The following TBX15 variants were observed in gnomAD, a reference collection of about 807,000 sequenced individuals.
TBX15 encodes the protein T-box transcription factor TBX15.
In TBX15, 18 loss-of-function variants were observed where a neutral mutation model predicts 53.9. That is an observed-to-expected ratio of 0.33 (90% CI 0.23 to 0.49). TBX15 has a LOEUF of 0.49. Among genes scored for constraint, TBX15 ranks in the 20% least tolerant of loss-of-function variants. TBX15 has a pLI of 0.98. For missense variants in TBX15, 692 were observed against 749.5 expected, an observed-to-expected ratio of 0.92 and a Z score of 0.90; for synonymous variants, 295 against 278.0, an observed-to-expected ratio of 1.06 and a Z score of -0.61.
chr1:118,981,037 T>C (rs1209839688), intron 1 of TBX15, among the ~76,000 whole-genome samples: 2 of 152,172 alleles, frequency 1.3e-5, no homozygotes, highest in Non-Finnish European at 2.9e-5. Flanking sequence ...TTCACCATCT[T>C]GGCCAGGCTG....
intron 1 of TBX15, among the ~76,000 whole-genome samples, chr1:118,941,282 C>T (rs1164452641): frequency 6.6e-6 from 1 of 152,170 alleles, no homozygotes; most frequent in Admixed American, 6.6e-5. Flanking sequence ...AATGTTCCCA[C>T]TGAGCACCAA....
intron 2 of TBX15, 110 bp downstream of exon 2, chr1:118,931,509 C>A (rs901206326): frequency 8.7e-7 from 1 of 1,154,836 alleles, no homozygotes; most frequent in Non-Finnish European, 1.3e-6. Context: ...TGAGTGCAAG[C>A]TGCTTTGGTT....
At chr1:118,933,873 G>T (rs2101619101) in intron 1 of TBX15, among the ~76,000 whole-genome samples, 1 of 152,230 alleles carries the variant, frequency 6.6e-6, no homozygotes, top group East Asian at 1.9e-4. Context: ...ACCATAAAGT[G>T]CCACAATTAC....
chr1:118,898,000 G>A (rs1300871095), intron 7 of TBX15, among the ~76,000 whole-genome samples: 2 of 152,200 alleles, frequency 1.3e-5, no homozygotes, highest in Non-Finnish European at 2.9e-5. Context: ...TGAGGATGAT[G>A]AAGACAATGA....
chr1:118,938,377 C>A (rs1656033839), intron 1 of TBX15, among the ~76,000 whole-genome samples: 1 of 152,180 alleles, frequency 6.6e-6, no homozygotes, highest in Non-Finnish European at 1.5e-5. Context: ...GCACTCTCCA[C>A]TTAACAAGCA....
chr1:118,910,418 T>TTGC (rs1654992752), intron 6 of TBX15, among the ~76,000 whole-genome samples: 1 of 151,970 alleles, frequency 6.6e-6, no homozygotes, highest in Non-Finnish European at 1.5e-5. Context: ...TTTGTTGTTG[T>TTGC]TGTTGTTGTT....
At chr1:118,971,047 C>T (rs1056828615) in intron 1 of TBX15, among the ~76,000 whole-genome samples, 3 of 152,118 alleles carry the variant, frequency 2.0e-5, no homozygotes, top group Non-Finnish European at 4.4e-5. Context: ...GCTTTTTATT[C>T]TATTTCTTTT....
intron 6 of TBX15, among the ~76,000 whole-genome samples, chr1:118,908,819 C>G (rs1257655439): frequency 6.6e-6 from 1 of 151,628 alleles, no homozygotes; most frequent in East Asian, 1.9e-4. Flanking sequence ...CACACACACA[C>G]ACATTCACAC....
chr1:118,973,463 C>T (rs949254236), intron 1 of TBX15, among the ~76,000 whole-genome samples: 2 of 151,968 alleles, frequency 1.3e-5, no homozygotes, highest in Non-Finnish European at 2.9e-5. Flanking sequence ...AAAAAAAGCC[C>T]TCAGAATTCA....
intron 6 of TBX15, among the ~76,000 whole-genome samples, chr1:118,909,888 T>A (rs1304013291): frequency 5.3e-5 from 8 of 152,144 alleles, no homozygotes; most frequent in Non-Finnish European, 1.0e-4. Flanking sequence ...GCCAGATGTC[T>A]CTTTACATCA....
At chr1:118,969,326 G>A (rs544031163) in intron 1 of TBX15, among the ~76,000 whole-genome samples, 3 of 152,332 alleles carry the variant, frequency 2.0e-5, no homozygotes, top group Admixed American at 2.0e-4. Flanking sequence ...TTATTCTCTG[G>A]AGTTGTTGAT....
intron 1 of TBX15, among the ~76,000 whole-genome samples, chr1:118,970,952 C>T (rs1434466990): frequency 6.6e-6 from 1 of 152,222 alleles, no homozygotes; most frequent in Admixed American, 6.5e-5. Context: ...CCCAATTCTG[C>T]TCTCTCAGGA....
At chr1:118,979,937 G>A (rs368400137) in intron 1 of TBX15, among the ~76,000 whole-genome samples, 1 of 152,186 alleles carries the variant, frequency 6.6e-6, no homozygotes, top group East Asian at 1.9e-4. Context: ...CGCCTGACCC[G>A]TTCGCCGTTC....
chr1:118,950,581 C>A (rs973852445), intron 1 of TBX15, among the ~76,000 whole-genome samples: 1 of 152,226 alleles, frequency 6.6e-6, no homozygotes, highest in Non-Finnish European at 1.5e-5. Flanking sequence ...CAGGGCCAGG[C>A]TGCGGCCTTC....
In TBX15 at chr1:118,885,542, T is replaced by C. The variant is rs531265974; in HGVS notation, c.1025-26A>G. 10 of 1,554,930 alleles carry C rather than the reference T, an allele frequency of 6.4e-6. No homozygotes were observed. In the East Asian group the frequency reaches 2.2e-4, roughly 34 times the overall value. On this transcript the variant is annotated intron_variant, in intron 7 of 7. Transcript: ENST00000369429. The stretch of plus-strand genomic sequence containing the variant: ...CTGAAAAATAAAACGTGAATACTAT[T>C]GAGACAGAGTCTTTTAAGATGAGTC...
At chr1:118,968,894 C>T (rs928192784) in intron 1 of TBX15, among the ~76,000 whole-genome samples, 4 of 152,136 alleles carry the variant, frequency 2.6e-5, no homozygotes. Flanking sequence ...CTATCTCCAT[C>T]GTGAATACCA....
chr1:118,968,607 T>C (rs1047386583), intron 1 of TBX15, among the ~76,000 whole-genome samples: 1 of 152,216 alleles, frequency 6.6e-6, no homozygotes, highest in Non-Finnish European at 1.5e-5. Flanking sequence ...AATATATGCA[T>C]ATTGCATTTG....
chr1:118,947,665 A>G (rs1656389785), intron 1 of TBX15, among the ~76,000 whole-genome samples: 1 of 152,224 alleles, frequency 6.6e-6, no homozygotes, highest in South Asian at 2.1e-4. Flanking sequence ...TCAGCATTAC[A>G]TTTAATCATT....
chr1:118,909,047 A>G (rs977418362), intron 6 of TBX15, among the ~76,000 whole-genome samples: 4 of 152,170 alleles, frequency 2.6e-5, no homozygotes, highest in Non-Finnish European at 4.4e-5. Flanking sequence ...AGACCTTCCT[A>G]TGCTTCTCAC....
Sources: allele counts gnomAD v4.1 joint callset (sites outside exome capture counted in the v4.1 genomes callset), GRCh38; gene constraint gnomAD v4.1.1; transcripts MANE v1.5; gene names NCBI Gene and HGNC (gene_info 2026-07-23, HGNC 2026-07-21).